Variants in HDX observed in about 807,000 individuals in gnomAD.
The protein encoded by HDX is highly divergent homeobox.
HDX carries 19 observed loss-of-function variants against 45.2 expected under a neutral mutation model. The ratio of observed to expected loss-of-function variants is 0.42; its 90% CI spans 0.29 to 0.62. HDX has a LOEUF of 0.62. Among genes scored for constraint, HDX ranks in the 20% least tolerant of loss-of-function variants. HDX has a pLI of 0.20. For synonymous variants in HDX, 188 were observed against 172.8 expected (o/e 1.09, Z -0.69); for missense variants, 532 against 493.9 (o/e 1.08, Z -0.73).
In HDX at chrX:84,355,614, A is replaced by G. The variant is rs755965498; in HGVS notation, c.1452+5852T>C. On this transcript the variant is annotated intron_variant, in intron 6 of 10. Transcript: ENST00000373177. ...CTCAGCAAACTATCGCAGGGACAAA[A>G]AACCAAACACCGCATGTTCTCACTC... 2.6e-3 allele frequency among the ~76,000 whole-genome samples: 285 copies of G among 110,163 alleles called. 2 individuals carry two copies. Among genetic ancestry groups the G allele is most frequent in the African/African-American group, 9.1e-3 (275 of 30,286 alleles).
chrX:84,354,294 A>C (rs1402522238), intron 6 of HDX, among the ~76,000 whole-genome samples: 2 of 111,720 alleles, frequency 1.8e-5, no homozygotes, highest in South Asian at 3.7e-4. Flanking sequence ...AGCCCTGTAC[A>C]TTTCTAAGTA....
chrX:84,427,855 G>A (rs184630295), intron 5 of HDX, among the ~76,000 whole-genome samples: 1 of 110,865 alleles, frequency 9.0e-6, no homozygotes, highest in African/African-American at 3.3e-5. Flanking sequence ...TGAATGCATG[G>A]TTAACTCTTT....
At chrX:84,501,665 T>C (rs1322086396) in intron 1 of HDX, among the ~76,000 whole-genome samples, 4 of 112,364 alleles carry the variant, frequency 3.6e-5, no homozygotes, top group Non-Finnish European at 3.8e-5. Context: ...CCTTCTCAAA[T>C]TTATAAGGCT....
chrX:84,457,108 T>C (rs1231364019), intron 4 of HDX, among the ~76,000 whole-genome samples: 5 of 111,939 alleles, frequency 4.5e-5, no homozygotes, highest in African/African-American at 1.6e-4. Flanking sequence ...TTCTCAAGAA[T>C]AGACCACATG....
At chrX:84,329,940 C>G (rs958138893) in intron 9 of HDX, among the ~76,000 whole-genome samples, 2 of 111,273 alleles carry the variant, frequency 1.8e-5, no homozygotes, top group African/African-American at 6.5e-5. Context: ...TTCTCCAATT[C>G]TCTCCATGTT....
chrX:84,438,764 T>C (rs1449440353), intron 5 of HDX, among the ~76,000 whole-genome samples: 1 of 111,735 alleles, frequency 8.9e-6, no homozygotes, highest in African/African-American at 3.2e-5. Flanking sequence ...ATGGTGTATA[T>C]GTACCACATA....
At chrX:84,499,487 T>C (rs2041075819) in intron 1 of HDX, among the ~76,000 whole-genome samples, 1 of 111,783 alleles carries the variant, frequency 8.9e-6, no homozygotes, top group Non-Finnish European at 1.9e-5. Context: ...TCTCAATTAC[T>C]ATGAAAGCTG....
chrX:84,379,090 A>G (rs5922980), intron 5 of HDX, among the ~76,000 whole-genome samples: 50,738 of 108,762 alleles, frequency 0.47, 9,026 homozygotes, highest in Middle Eastern at 0.74. Context: ...TAAAGGTGTC[A>G]ATTTAGCAAG....
At chrX:84,360,603 C>A (rs2037599308) in intron 6 of HDX, among the ~76,000 whole-genome samples, 1 of 111,304 alleles carries the variant, frequency 9.0e-6, no homozygotes. Context: ...CTTGGCACCA[C>A]TAACCTATTT....
intron 5 of HDX, among the ~76,000 whole-genome samples, chrX:84,408,710 C>T (rs1417467850): frequency 9.1e-6 from 1 of 109,376 alleles, no homozygotes; most frequent in African/African-American, 3.3e-5. Context: ...GAAGATTTTT[C>T]TATTTGTTTG....
intron 1 of HDX, among the ~76,000 whole-genome samples, chrX:84,492,604 G>T (rs56349413): frequency 9.1e-6 from 1 of 110,462 alleles, no homozygotes; most frequent in Non-Finnish European, 1.9e-5. Flanking sequence ...AATGTGCTAC[G>T]CCAAGCCTAT....
At chrX:84,480,626 A>G (rs1183131600) in intron 2 of HDX, among the ~76,000 whole-genome samples, 3 of 111,398 alleles carry the variant, frequency 2.7e-5, no homozygotes, top group African/African-American at 6.5e-5. Flanking sequence ...AAATGATTGT[A>G]TAGTTTTTAT....
intron 4 of HDX, among the ~76,000 whole-genome samples, chrX:84,444,288 G>T (rs2039825392): frequency 9.0e-6 from 1 of 111,261 alleles, no homozygotes; most frequent in African/African-American, 3.3e-5. Flanking sequence ...TAATTCTGTA[G>T]AAAATAGGTA....
intron 4 of HDX, among the ~76,000 whole-genome samples, chrX:84,455,797 A>G (rs777211829): frequency 2.0e-3 from 220 of 112,403 alleles, no homozygotes; most frequent in South Asian, 5.9e-3. Flanking sequence ...CCAAAAGTCA[A>G]GGATAAAAAA....
At chrX:84,353,168 G>A (rs2037399142) in intron 6 of HDX, among the ~76,000 whole-genome samples, 1 of 111,618 alleles carries the variant, frequency 9.0e-6, no homozygotes, top group Admixed American at 9.5e-5. Context: ...AAACTAGAAG[G>A]CACTAGAAAA....
chrX:84,350,959 G>A (rs755267154), intron 6 of HDX, among the ~76,000 whole-genome samples: 1 of 111,084 alleles, frequency 9.0e-6, no homozygotes, highest in Non-Finnish European at 1.9e-5. Context: ...TTATATTTAT[G>A]TATAGAACTT....
rs1425034195 is a variant in HDX at position 84,469,476 on chromosome X, T to C, written c.247A>G (p.Arg83Gly). 2 of 1,210,987 alleles carry C rather than the reference T, an allele frequency of 1.7e-6. No individual in the cohort carries two copies. The highest frequency in any genetic ancestry group is 2.2e-6 in the Non-Finnish European group (2 of 894,928). The change falls in exon 4 of 11, where the codon AGA becomes GGA. Residue 83 changes from arginine to glycine, a missense_variant. Arg to Gly is a moderately radical substitution (Grantham distance 125). Coordinates refer to ENST00000373177, the MANE Select transcript of HDX (RefSeq NM_001177479.2). ...TSLSAPDITV[R>G]NVVNIARPSS... is the part of the protein sequence containing the mutation. ...GGTCGAGCAATATTAACCACATTTCTGACTGTGATGTCTGGAGCTGACAAA... is the reference window on the plus strand; with the variant it reads ...GGTCGAGCAATATTAACCACATTTCCGACTGTGATGTCTGGAGCTGACAAA...
At chrX:84,389,801 T>C (rs961359749) in intron 5 of HDX, among the ~76,000 whole-genome samples, 2 of 110,694 alleles carry the variant, frequency 1.8e-5, no homozygotes, top group African/African-American at 6.6e-5. Flanking sequence ...CAAAAACTCC[T>C]GGCCTTTAAG....
rs142958073 is a variant in HDX, at chrX:84,389,552, G to A, written c.1306-27940C>T. Among the ~76,000 whole-genome samples the A allele has an allele frequency of 3.9e-3, 433 of 111,593 alleles. 2 individuals are homozygous for A. Among genetic ancestry groups the A allele is most frequent in the African/African-American group, 0.013 (404 of 30,729 alleles). ...CAAGGCTTGGAGTTGGGTTCTGGCC[G>A]CACTGAGGGATCCAATGTTTTCCCA... On this transcript the variant is annotated intron_variant, in intron 5 of 10. Coordinates refer to ENST00000373177, the MANE Select transcript of HDX (RefSeq NM_001177479.2).
Sources: gnomAD v4.1 joint callset for allele counts (sites outside exome capture counted in the v4.1 genomes callset) on GRCh38, gnomAD v4.1.1 for gene constraint, MANE v1.5 for transcripts, NCBI Gene and HGNC (gene_info 2026-07-23, HGNC 2026-07-21) for gene names.